The following CABYR variants were observed in gnomAD, a reference collection of about 807,000 sequenced individuals.
The protein encoded by CABYR is calcium binding tyrosine phosphorylation regulated, also known as calcium-binding tyrosine phosphorylation-regulated protein.
Under a neutral mutation model 36.1 loss-of-function variants are expected in CABYR, and 31 were observed. The ratio of observed to expected loss-of-function variants is 0.86; its 90% CI spans 0.64 to 1.16. The LOEUF is 1.16. Among genes scored for constraint, CABYR ranks in the 50% most tolerant of loss-of-function variants. The pLI is 0.00. For synonymous variants in CABYR, 146 were observed against 160.7 expected (o/e 0.91, Z 0.69); for missense variants, 429 against 455.8 (o/e 0.94, Z 0.53).
intron 1 of CABYR, among the ~76,000 whole-genome samples, chr18:24,142,636 G>A (rs1458212660): frequency 8.0e-6 from 1 of 125,362 alleles, no homozygotes; most frequent in Non-Finnish European, 1.8e-5. Flanking sequence ...TTGTTAGTAG[G>A]GTTGTGTGTT....
intron 4 of CABYR, among the ~76,000 whole-genome samples, chr18:24,157,734 T>C (rs1381616128): frequency 6.6e-6 from 1 of 152,236 alleles, no homozygotes; most frequent in Non-Finnish European, 1.5e-5. Context: ...GCTGTTGAAC[T>C]ATCACCATGT....
At chr18:24,143,546 TATATA>T in intron 3 of CABYR, 133 bp downstream of exon 3, 1 of 236,758 alleles carries the variant, frequency 4.2e-6, no homozygotes, top group Non-Finnish European at 7.7e-6. Context: ...CTTTTTAAAA[TATATA>T]TATATATATT....
chr18:24,147,258 A>AC (rs2085482786), intron 3 of CABYR, among the ~76,000 whole-genome samples: 1 of 148,550 alleles, frequency 6.7e-6, no homozygotes, highest in Non-Finnish European at 1.5e-5. Context: ...GTCTCAAAAA[A>AC]AAAAAAAAAA....
At chr18:24,158,224 G>A (rs182765233) in intron 4 of CABYR, among the ~76,000 whole-genome samples, 13 of 151,760 alleles carry the variant, frequency 8.6e-5, no homozygotes, top group East Asian at 3.9e-4. Context: ...GACCTGGCTT[G>A]TACATATTTT....
At chr18:24,141,870 G>C (rs571793221) in intron 1 of CABYR, among the ~76,000 whole-genome samples, 1 of 152,208 alleles carries the variant, frequency 6.6e-6, no homozygotes, top group South Asian at 2.1e-4. Context: ...AAGAGGGTAA[G>C]GGAGATATGA....
At position 24,160,056 on chromosome 18, in the gene CABYR, G is replaced by C; in HGVS notation, c.1126G>C (p.Glu376Gln). The change falls in exon 5 of 6, where the codon GAA becomes CAA. Residue 376 changes from glutamate (E) to glutamine (Q), a missense_variant. Transcript: ENST00000399496. ...TACTGCTCACAAACGTCGCAAAGCA[G>C]AAACTGAAAACTGGTAGGTACACTT... ...VTTAHKRRKA[E>Q]TEN is the part of the protein sequence containing the mutation. 1 of 1,611,180 alleles carries C rather than the reference G, an allele frequency of 6.2e-7. No individual in the cohort carries two copies. The highest frequency in any genetic ancestry group is 8.5e-7 in the Non-Finnish European group (1 of 1,178,680).
At chr18:24,156,776 A>C in intron 4 of CABYR, 1 of 1,614,210 alleles carries the variant, frequency 6.2e-7, no homozygotes, top group Middle Eastern at 1.6e-4. Context: ...AGATCACTTC[A>C]ATAGTCTCTG....
At chr18:24,149,837 C>G (rs1435346128) in intron 3 of CABYR, among the ~76,000 whole-genome samples, 1 of 152,226 alleles carries the variant, frequency 6.6e-6, no homozygotes, top group Non-Finnish European at 1.5e-5. Context: ...AGGGCCGGCC[C>G]GCTGCTCGGA....
At chr18:24,156,798 CAGG>C in intron 4 of CABYR, 1 of 1,614,092 alleles carries the variant, frequency 6.2e-7, no homozygotes, top group Non-Finnish European at 8.5e-7. Flanking sequence ...CAATACTGGG[CAGG>C]AGGAGTCTGG....
intron 1 of CABYR, chr18:24,140,193 CTGGGATTA>C: frequency 6.6e-6 from 1 of 152,242 alleles, no homozygotes; most frequent in East Asian, 1.9e-4. Context: ...TCCCAAAGTG[CTGGGATTA>C]CAGGCGTGAG....
chr18:24,151,968 G>A (rs537785243), intron 3 of CABYR, among the ~76,000 whole-genome samples: 16 of 152,246 alleles, frequency 1.1e-4, no homozygotes, highest in African/African-American at 3.4e-4. Flanking sequence ...GGGATTATAC[G>A]CATGAGCCAT....
chr18:24,144,492 G>A (rs924098969), intron 3 of CABYR, among the ~76,000 whole-genome samples: 8 of 152,326 alleles, frequency 5.3e-5, no homozygotes, highest in African/African-American at 1.9e-4. Flanking sequence ...GGCAGGGCGT[G>A]ATGGCTCATG....
intron 1 of CABYR, 50 bp from the exon 2 acceptor site, chr18:24,143,041 A>C (rs543089855): frequency 2.5e-5 from 34 of 1,333,512 alleles, no homozygotes; most frequent in Middle Eastern, 4.3e-4. Context: ...AAAAAAAAAA[A>C]ACCTATTTTA....
At chr18:24,160,362 G>A in intron 5 of CABYR, 1 of 323,946 alleles carries the variant, frequency 3.1e-6, no homozygotes, top group Non-Finnish European at 5.6e-6. Context: ...CAAACACAGT[G>A]GTAGATGCGA....
At position 24,149,906 on chromosome 18, in the gene CABYR, G is replaced by A. The variant is rs532114730; in HGVS notation, c.200-5795G>A. On this transcript the variant is annotated intron_variant, in intron 3 of 5. Transcript: ENST00000399496. ...ACTCCAGCTGGCCCGCAAGCGCGGC[G>A]CGCAGCCCCGGTTCCCGCTGGCGCC... Among the ~76,000 whole-genome samples, 129 of 152,332 alleles carry A rather than the reference G, an allele frequency of 8.5e-4. 3 individuals are homozygous for A. The South Asian group carries it at 0.025, about 30-fold the overall frequency.
intron 3 of CABYR, among the ~76,000 whole-genome samples, chr18:24,144,933 GA>G (rs1384688024): frequency 6.6e-6 from 1 of 152,290 alleles, no homozygotes; most frequent in South Asian, 2.1e-4. Flanking sequence ...TGTAAATTTT[GA>G]CCCCTTTACA....
chr18:24,152,929 G>C (rs1334253871), intron 3 of CABYR: 1 of 152,240 alleles, frequency 6.6e-6, no homozygotes, highest in Non-Finnish European at 1.5e-5. Flanking sequence ...GTTGGACTTG[G>C]GTTTTATTGT....
chr18:24,146,047 TAAA>T (rs1249517983), intron 3 of CABYR, among the ~76,000 whole-genome samples: 5 of 152,106 alleles, frequency 3.3e-5, no homozygotes, highest in African/African-American at 4.8e-5. Context: ...AGCATACAGT[TAAA>T]AACTACTAGA....
intron 1 of CABYR, among the ~76,000 whole-genome samples, chr18:24,142,047 G>A (rs895694881): frequency 4.6e-5 from 7 of 152,168 alleles, no homozygotes; most frequent in East Asian, 1.9e-4. Context: ...AGCAATGGTC[G>A]GGCACGGTGG....
Sources: gnomAD v4.1 joint callset for allele counts (sites outside exome capture counted in the v4.1 genomes callset) on GRCh38, gnomAD v4.1.1 for gene constraint, MANE v1.5 for transcripts, NCBI Gene and HGNC (gene_info 2026-07-23, HGNC 2026-07-21) for gene names.